STAB2: variants seen among roughly 807,000 people sequenced by gnomAD.
STAB2 encodes stabilin-2.
A neutral mutation model predicts 338.1 loss-of-function variants in STAB2; 288 were observed. The observed-to-expected ratio is 0.85, with a 90% CI of 0.77 to 0.94. The LOEUF (loss-of-function observed/expected upper bound fraction) is 0.94. STAB2 is among the 40% of genes least tolerant of loss of function. The pLI is 0.00. For missense variants in STAB2, 3,141 were observed against 3,210.1 expected, an observed-to-expected ratio of 0.98 and a Z score of 0.52; for synonymous variants, 1,202 against 1,193.3, an observed-to-expected ratio of 1.01 and a Z score of -0.15.
At chr12:103,659,245 A>ATT (rs1565991196) in intron 15 of STAB2, among the ~76,000 whole-genome samples, 1 of 152,228 alleles carries the variant, frequency 6.6e-6, no homozygotes, top group Non-Finnish European at 1.5e-5. Context: ...TGCCAGGACA[A>ATT]TAGGCATAGA....
intron 18 of STAB2, among the ~76,000 whole-genome samples, chr12:103,664,280 A>G (rs1874884268): frequency 6.6e-6 from 1 of 152,122 alleles, no homozygotes; most frequent in African/African-American, 2.4e-5. Flanking sequence ...AGTAGCTGGG[A>G]CTACAGGTGC....
intron 45 of STAB2, among the ~76,000 whole-genome samples, chr12:103,725,611 T>TGC (rs56077656): frequency 0.033 from 4,956 of 152,188 alleles, 145 homozygotes; most frequent in Admixed American, 0.084. Context: ...TACGTGTGTG[T>TGC]GCTTGTGTGT....
chr12:103,653,132 A>G (rs933737355), intron 12 of STAB2, among the ~76,000 whole-genome samples: 2 of 152,004 alleles, frequency 1.3e-5, no homozygotes, highest in South Asian at 2.1e-4. Flanking sequence ...CTCTCTCCCA[A>G]TGCCATTAGT....
At chr12:103,631,136 C>T (rs539914233) in intron 5 of STAB2, among the ~76,000 whole-genome samples, 12 of 152,280 alleles carry the variant, frequency 7.9e-5, no homozygotes, top group African/African-American at 2.4e-4. Context: ...TTATTCTAGA[C>T]CCTTTGGAAT....
In STAB2 at chr12:103,655,665, G is replaced by A. The variant is rs181539928; in HGVS notation, c.1734+84G>A. 1.5e-4 allele frequency: 227 copies of A among 1,543,200 alleles called. 1 individual carries two copies. The highest frequency in any genetic ancestry group is 5.9e-4 in the Admixed American group (31 of 52,846). ...CTAAACAGGTTTTTCCTAAACTAGA[G>A]ATAGTAAATAAGTTGTACATGTATC... On this transcript the variant is annotated intron_variant, in intron 15 of 68. Coordinates refer to ENST00000388887, the MANE Select transcript of STAB2 (RefSeq NM_017564.10).
intron 9 of STAB2, among the ~76,000 whole-genome samples, chr12:103,647,173 AT>A (rs772137113): frequency 1.2e-3 from 189 of 152,288 alleles, no homozygotes; most frequent in Non-Finnish European, 2.2e-3. Context: ...TGAAAAACAG[AT>A]TTCAGGGTAG....
Position 103,742,553 on chromosome 12 carries a change from G to A in STAB2, c.6030G>A (p.Leu2010=), listed in dbSNP as rs540663641. 6.2e-6 allele frequency: 10 copies of A among 1,614,146 alleles called. No individual in the cohort carries two copies. Among genetic ancestry groups the A allele is most frequent in the South Asian group, 4.4e-5 (4 of 91,086 alleles). ...CGGGGAGATTCGGGCCTGATTGTCTGCGTATGTGGCGCCGCTTCTCCGTGC... is the reference window on the plus strand; with the variant it reads ...CGGGGAGATTCGGGCCTGATTGTCTACGTATGTGGCGCCGCTTCTCCGTGC... The part of the protein sequence containing the change: ...CWPGRFGPDC[L]PCGCSDHGQC... The change falls in exon 56 of 69, where the codon CTG becomes CTA. Residue 2010 remains leucine, a splice_region_variant and synonymous_variant. Transcript: ENST00000388887.
chr12:103,663,113 G>C, intron 18 of STAB2, 115 bp downstream of exon 18: 1 of 1,322,644 alleles, frequency 7.6e-7, no homozygotes, highest in Non-Finnish European at 1.0e-6. Flanking sequence ...CCAGAACCTT[G>C]TCCCCAAAGG....
intron 24 of STAB2, 71 bp from the exon 25 acceptor site, chr12:103,677,382 C>G: frequency 3.0e-6 from 2 of 660,602 alleles, no homozygotes; most frequent in Non-Finnish European, 4.1e-6. Flanking sequence ...TCTGGAAATT[C>G]TCTCTTATTT....
At chr12:103,683,657 A>G (rs1877134978) in intron 26 of STAB2, among the ~76,000 whole-genome samples, 1 of 152,212 alleles carries the variant, frequency 6.6e-6, no homozygotes, top group South Asian at 2.1e-4. Context: ...TTTATTTGCT[A>G]AACCTGGCAC....
rs953563227 is a variant in STAB2, at chr12:103,597,304, C to A, written c.331+2794C>A. On this transcript the variant is annotated intron_variant, in intron 3 of 68. Coordinates refer to ENST00000388887, the MANE Select transcript of STAB2 (RefSeq NM_017564.10). ...TTCAGAGCTGCTGACGTGGGTCTAT[C>A]CTTCTTTCTGAGGAAGCACATTCCC... is the stretch of plus-strand genomic sequence containing the variant. Among the ~76,000 whole-genome samples, 3 of 152,208 alleles carry A rather than the reference C, an allele frequency of 2.0e-5. No individual in the cohort carries two copies. The East Asian group carries it at 5.8e-4, about 29-fold the overall frequency.
chr12:103,628,189 C>A (rs1466964997), intron 5 of STAB2, among the ~76,000 whole-genome samples: 3 of 152,178 alleles, frequency 2.0e-5, no homozygotes, highest in Admixed American at 6.5e-5. Context: ...ACTGCAAATC[C>A]AATTTAATTC....
chr12:103,761,560 A>G, intron 66 of STAB2, 150 bp downstream of exon 66: 1 of 618,916 alleles, frequency 1.6e-6, no homozygotes, highest in African/African-American at 1.9e-5. Context: ...GTAGCTGGCC[A>G]GGACCGCCCA....
chr12:103,714,366 A>G (rs1485349431), intron 42 of STAB2, among the ~76,000 whole-genome samples: 10 of 152,226 alleles, frequency 6.6e-5, no homozygotes, highest in Non-Finnish European at 1.5e-5. Context: ...CAAATAGCAC[A>G]AAAAAGACCC....
rs1359158449 is a variant in STAB2, at chr12:103,746,703, A to G, written c.6243A>G (p.Thr2081=). 1 of 1,613,496 alleles carries G rather than the reference A, an allele frequency of 6.2e-7. No individual in the cohort carries two copies. The highest frequency in any genetic ancestry group is 8.5e-7 in the Non-Finnish European group (1 of 1,179,698). The change falls in exon 58 of 69, where the codon ACA becomes ACG. Residue 2081 remains threonine (T), a splice_region_variant and synonymous_variant. Coordinates refer to ENST00000388887, the MANE Select transcript of STAB2 (RefSeq NM_017564.10). ...LDYEGDGITC[T]VVDFCKQDNG... is the part of the protein sequence containing the mutation. Reference sequence around the variant, plus strand: ...ATGAAGGTGACGGAATCACATGCACAGGTAAGCCACCTTTGTGCACAGGTG... The same window carrying G: ...ATGAAGGTGACGGAATCACATGCACGGGTAAGCCACCTTTGTGCACAGGTG...
At chr12:103,692,937 T>C in intron 31 of STAB2, 48 bp downstream of exon 31, 5 of 1,540,486 alleles carry the variant, frequency 3.2e-6, no homozygotes, top group Non-Finnish European at 4.5e-6. Context: ...TTTCCCTTTG[T>C]TGTTTATCGT....
At chr12:103,712,281 A>T in intron 40 of STAB2, 86 bp from the exon 41 acceptor site, 1 of 1,027,898 alleles carries the variant, frequency 9.7e-7, no homozygotes, top group Non-Finnish European at 1.5e-6. Context: ...AGGGGCCAGG[A>T]TACTGAGGGT....
At chr12:103,679,461 A>G (rs781186916) in intron 25 of STAB2, among the ~76,000 whole-genome samples, 1 of 152,194 alleles carries the variant, frequency 6.6e-6, no homozygotes, top group Non-Finnish European at 1.5e-5. Flanking sequence ...CTCTCACCCT[A>G]GCCCACCTCC....
At chr12:103,766,200 T>A in intron 68 of STAB2, 86 bp from the exon 69 acceptor site, 1 of 1,540,836 alleles carries the variant, frequency 6.5e-7, no homozygotes, top group Non-Finnish European at 9.0e-7. Context: ...GGGAGAGTCA[T>A]GCCTCAGACC....
Sources: gnomAD v4.1 joint callset for allele counts (sites outside exome capture counted in the v4.1 genomes callset) on GRCh38, gnomAD v4.1.1 for gene constraint, MANE v1.5 for transcripts, NCBI Gene and HGNC (gene_info 2026-07-23, HGNC 2026-07-21) for gene names.